SCN11A: variants seen among roughly 807,000 people sequenced by gnomAD.
SCN11A encodes sodium channel protein type 11 subunit alpha.
Under a neutral mutation model 162.2 loss-of-function variants are expected in SCN11A, and 122 were observed. The ratio of observed to expected loss-of-function variants is 0.75; its 90% CI spans 0.65 to 0.87. SCN11A has a LOEUF of 0.87. SCN11A is among the 40% of genes least tolerant of loss of function. The pLI is 0.00. For missense variants in SCN11A, 2,015 were observed against 2,181.6 expected (o/e 0.92, Z 1.52); for synonymous variants, 758 against 751.5 (o/e 1.01, Z -0.14).
At chr3:38,943,705 T>C (rs1424283200) in intron 7 of SCN11A, among the ~76,000 whole-genome samples, 2 of 151,938 alleles carry the variant, frequency 1.3e-5, no homozygotes, top group Non-Finnish European at 2.9e-5. Flanking sequence ...AATGAAAACA[T>C]TAAAAGAGTC....
rs4676475 is a variant in SCN11A at position 38,917,046 on chromosome 3, A to G, written c.959+2889T>C. Among the ~76,000 whole-genome samples, 703 of 152,300 alleles carry G rather than the reference A, an allele frequency of 4.6e-3. 15 individuals carry two copies. Among genetic ancestry groups the G allele is most frequent in the Admixed American group, 0.041 (622 of 15,288 alleles). ...GATGTGCTGGCACATAAACTTAGAG[A>G]CAAGAGCCCTATAAAGACCAGTTGT... is the stretch of plus-strand genomic sequence containing the variant. On this transcript the variant is annotated intron_variant, in intron 11 of 29. Transcript: ENST00000302328.
chr3:39,046,455 G>C (rs1173530751), intron 1 of SCN11A, among the ~76,000 whole-genome samples: 1 of 151,752 alleles, frequency 6.6e-6, no homozygotes, highest in East Asian at 1.9e-4. Flanking sequence ...GTGATCTACA[G>C]ATTAAATGGA....
chr3:39,021,661 G>A (rs1447941554), intron 2 of SCN11A, among the ~76,000 whole-genome samples: 1 of 152,136 alleles, frequency 6.6e-6, no homozygotes, highest in Non-Finnish European at 1.5e-5. Flanking sequence ...TAAGTCATGT[G>A]GGAAAGGATG....
chr3:38,903,310 A>G (rs2065733799), intron 16 of SCN11A, among the ~76,000 whole-genome samples: 1 of 152,102 alleles, frequency 6.6e-6, no homozygotes, highest in Admixed American at 6.5e-5. Flanking sequence ...AGTTTTCCCA[A>G]TTTAACTGAG....
chr3:38,854,933 T>C (rs2064842759), intron 28 of SCN11A, among the ~76,000 whole-genome samples: 1 of 152,168 alleles, frequency 6.6e-6, no homozygotes, highest in Admixed American at 6.5e-5. Flanking sequence ...GGAGGGGCCA[T>C]AGGGTGAAAG....
At chr3:38,877,833 C>T (rs1481489848) in intron 23 of SCN11A, among the ~76,000 whole-genome samples, 2 of 149,332 alleles carry the variant, frequency 1.3e-5, no homozygotes, top group Non-Finnish European at 3.0e-5. Flanking sequence ...CCATGGAATA[C>T]TACTCAGCCA....
intron 1 of SCN11A, among the ~76,000 whole-genome samples, chr3:39,039,924 A>G (rs1323501655): frequency 6.6e-6 from 1 of 152,200 alleles, no homozygotes; most frequent in Non-Finnish European, 1.5e-5. Context: ...ATGGAGATAT[A>G]GCATGTGTAC....
Position 38,938,507 on chromosome 3 carries a change from ATCATAT to A in SCN11A, c.488+6898_488+6903del, listed in dbSNP as rs1559544717. The stretch of plus-strand genomic sequence containing the variant: ...AATAAAAGAAGGCAGAAGGAAAAAT[ATCATAT>A]ATATATATATATATATATATATATA... On this transcript the variant is annotated intron_variant, in intron 7 of 29. Coordinates refer to ENST00000302328, the MANE Select transcript of SCN11A (RefSeq NM_001349253.2). Among the ~76,000 whole-genome samples the A allele has an allele frequency of 3.3e-3, 347 of 105,796 alleles. 2 individuals carry two copies. Among genetic ancestry groups the A allele is most frequent in the African/African-American group, 5.4e-3 (147 of 27,010 alleles). 69.4% of individuals were successfully genotyped at this position (105,796 alleles called of 152,430 possible).
chr3:38,991,435 G>C (rs2030448669), intron 2 of SCN11A, among the ~76,000 whole-genome samples: 1 of 152,118 alleles, frequency 6.6e-6, no homozygotes, highest in Non-Finnish European at 1.5e-5. Context: ...CTCTTCCTTT[G>C]TCTCTGAGCT....
chr3:38,859,545 AG>A lies in SCN11A; in HGVS notation c.4056+3649del, dbSNP rs376679431. 5.2e-3 allele frequency among the ~76,000 whole-genome samples: 796 copies of A among 152,332 alleles called. 5 individuals carry two copies. The highest frequency in any genetic ancestry group is 0.018 in the African/African-American group (761 of 41,570). On this transcript the variant is annotated intron_variant, in intron 28 of 29. Coordinates refer to ENST00000302328, the MANE Select transcript of SCN11A (RefSeq NM_001349253.2). ...AATAAAAAAATTACCAACAAAAAAA[AG>A]TCCAGGACCAGATGGATTAACAGCT...
chr3:38,917,453 G>A (rs1271759316), intron 11 of SCN11A, among the ~76,000 whole-genome samples: 2 of 152,240 alleles, frequency 1.3e-5, no homozygotes, highest in Non-Finnish European at 2.9e-5. Context: ...AGCTAATGTG[G>A]TGCATATGTG....
At chr3:39,027,659 G>C (rs928270045) in intron 2 of SCN11A, among the ~76,000 whole-genome samples, 1 of 152,160 alleles carries the variant, frequency 6.6e-6, no homozygotes, top group Non-Finnish European at 1.5e-5. Flanking sequence ...GACTGGGGAG[G>C]CTGTTTACCC....
At chr3:38,985,012 G>A (rs1217000264) in intron 2 of SCN11A, among the ~76,000 whole-genome samples, 1 of 148,932 alleles carries the variant, frequency 6.7e-6, no homozygotes, top group Non-Finnish European at 1.5e-5. Context: ...ATTATGTATG[G>A]TCACTAGGCT....
At chr3:38,980,731 A>G (rs894016249) in intron 2 of SCN11A, among the ~76,000 whole-genome samples, 3 of 152,208 alleles carry the variant, frequency 2.0e-5, no homozygotes, top group Non-Finnish European at 2.9e-5. Context: ...TCAGATCCAG[A>G]ATTTTGTCCC....
intron 1 of SCN11A, among the ~76,000 whole-genome samples, chr3:39,046,762 C>A (rs1440458426): frequency 6.6e-6 from 1 of 152,086 alleles, no homozygotes; most frequent in East Asian, 1.9e-4. Flanking sequence ...GCTCTGTCAC[C>A]CAGACTGAAG....
intron 2 of SCN11A, among the ~76,000 whole-genome samples, chr3:39,020,593 G>A (rs991895577): frequency 6.6e-6 from 1 of 152,196 alleles, no homozygotes; most frequent in Non-Finnish European, 1.5e-5. Flanking sequence ...AAGGTGTGTT[G>A]TATATATTCT....
intron 2 of SCN11A, among the ~76,000 whole-genome samples, chr3:38,968,832 C>T (rs2066799480): frequency 6.6e-6 from 1 of 152,190 alleles, no homozygotes; most frequent in Admixed American, 6.5e-5. Context: ...ACATCTACTA[C>T]ATAAAGTTTT....
chr3:39,040,859 A>ACC (rs2032034811), intron 1 of SCN11A, among the ~76,000 whole-genome samples: 2 of 152,062 alleles, frequency 1.3e-5, no homozygotes, highest in Non-Finnish European at 2.9e-5. Flanking sequence ...TGGGCGGATC[A>ACC]TGAGGTCAGG....
Position 38,909,164 on chromosome 3 carries a change from A to C in SCN11A, c.1132T>G (p.Phe378Val), listed in dbSNP as rs1416485430. ...AGGAAAATGACCACAATGAAGAAGA[A>C]GACTGAGTAGAGCCCAGTAGTACGC... ...TLRTTGLYSV[F>V]FFIVVIFLGS... The change falls in exon 13 of 30, where the codon TTC becomes GTC. Residue 378 changes from phenylalanine to valine, a missense_variant. Transcript: ENST00000302328. 3 of 1,614,154 alleles carry C rather than the reference A, an allele frequency of 1.9e-6. No individual in the cohort carries two copies. The highest frequency in any genetic ancestry group is 2.2e-5 in the South Asian group (2 of 91,084).
Sources: allele counts gnomAD v4.1 joint callset (sites outside exome capture counted in the v4.1 genomes callset), GRCh38; gene constraint gnomAD v4.1.1; transcripts MANE v1.5; gene names NCBI Gene and HGNC (gene_info 2026-07-23, HGNC 2026-07-21).